ROBO1: variants seen among roughly 807,000 people sequenced by gnomAD.
ROBO1 encodes the protein roundabout guidance receptor 1.
A neutral mutation model predicts 195.9 loss-of-function variants in ROBO1; 149 were observed. The ratio of observed to expected loss-of-function variants is 0.76; its 90% CI spans 0.67 to 0.87. The LOEUF is 0.87. Among genes scored for constraint, ROBO1 ranks in the 40% least tolerant of loss-of-function variants. ROBO1 has a pLI of 0.00. For missense variants in ROBO1, 1,933 were observed against 2,068.3 expected, an observed-to-expected ratio of 0.93 and a Z score of 1.27; for synonymous variants, 816 against 733.2, an observed-to-expected ratio of 1.11 and a Z score of -1.82.
At chr3:79,228,140 C>G (rs2082259495) in intron 2 of ROBO1, among the ~76,000 whole-genome samples, 8 of 151,424 alleles carry the variant, frequency 5.3e-5, no homozygotes, top group Admixed American at 5.3e-4. Context: ...CCACTGTACT[C>G]TTAAAAAATG....
chr3:79,149,263 A>C lies in ROBO1; in HGVS notation c.89-23724T>G, dbSNP rs148733003. ...AAGCAAACTAGTTATCAGTTTCCTTAATTTTCCAATATCCCAAGGCTCAAA... is the reference window on the plus strand; with the variant it reads ...AAGCAAACTAGTTATCAGTTTCCTTCATTTTCCAATATCCCAAGGCTCAAA... On this transcript the variant is annotated intron_variant, in intron 2 of 30. Transcript: ENST00000464233. Among the ~76,000 whole-genome samples the C allele has an allele frequency of 5.2e-3, 789 of 152,044 alleles. 7 individuals are homozygous for C. The highest frequency in any genetic ancestry group is 0.018 in the African/African-American group (748 of 41,524).
chr3:79,521,448 G>A (rs937118361), intron 2 of ROBO1, among the ~76,000 whole-genome samples: 2 of 152,038 alleles, frequency 1.3e-5, no homozygotes, highest in East Asian at 1.9e-4. Flanking sequence ...TAGGAGTTTC[G>A]TGCGCCCCTT....
At chr3:79,734,080 T>C (rs906094138) in intron 1 of ROBO1, among the ~76,000 whole-genome samples, 2 of 152,068 alleles carry the variant, frequency 1.3e-5, no homozygotes, top group South Asian at 4.1e-4. Context: ...TCTGAGTAGC[T>C]GGGATTACAG....
At chr3:79,213,385 C>A (rs2081999795) in intron 2 of ROBO1, among the ~76,000 whole-genome samples, 1 of 152,056 alleles carries the variant, frequency 6.6e-6, no homozygotes, top group Non-Finnish European at 1.5e-5. Context: ...TTTATTTTTA[C>A]AATAAAATTG....
intron 2 of ROBO1, among the ~76,000 whole-genome samples, chr3:79,551,808 C>A (rs1038402493): frequency 6.6e-6 from 1 of 151,658 alleles, no homozygotes; most frequent in Admixed American, 6.6e-5. Flanking sequence ...AAAGGATGAT[C>A]TTACCAAGTC....
chr3:79,267,547 C>CTT (rs200965543), intron 2 of ROBO1, among the ~76,000 whole-genome samples: 7 of 140,620 alleles, frequency 5.0e-5, no homozygotes, highest in Non-Finnish European at 7.8e-5. Flanking sequence ...AAATCTATCT[C>CTT]TTTTTTTTTT....
intron 4 of ROBO1, among the ~76,000 whole-genome samples, chr3:78,853,739 T>C (rs1199327618): frequency 6.6e-6 from 1 of 152,064 alleles, no homozygotes; most frequent in Non-Finnish European, 1.5e-5. Flanking sequence ...CTGGGTAATT[T>C]ATAAAGAAAA....
rs1287905712 is a variant in ROBO1, at chr3:79,071,652, C to T, written c.172+53804G>A. ...AAATTCAATGATTTTATGATAATTC[C>T]TCAACTTGCTATTCATGCCTTATAT... On this transcript the variant is annotated intron_variant, in intron 3 of 30. Transcript: ENST00000464233. 2.6e-5 allele frequency among the ~76,000 whole-genome samples: 4 copies of T among 151,098 alleles called. No homozygotes were observed. The Admixed American group carries it at 2.7e-4, about 10-fold the overall frequency.
intron 11 of ROBO1, 52 bp downstream of exon 11, chr3:78,670,044 G>T: frequency 7.0e-7 from 1 of 1,427,462 alleles, no homozygotes; most frequent in South Asian, 1.3e-5. Flanking sequence ...GTTGTTGGAG[G>T]CAGAAACAAA....
At chr3:79,335,720 G>A (rs1205387708) in intron 2 of ROBO1, among the ~76,000 whole-genome samples, 1 of 152,150 alleles carries the variant, frequency 6.6e-6, no homozygotes, top group African/African-American at 2.4e-5. Context: ...CAGAGAGTGG[G>A]GTGCTGCTAT....
rs537634704 is a variant in ROBO1, at chr3:79,022,596, T to C, written c.173-83669A>G. Reference sequence around the variant, plus strand: ...CATGTGGACAGGGAATGTACTCACATCAGATCTTCAGGGAACTCTGACATG... The same window carrying C: ...CATGTGGACAGGGAATGTACTCACACCAGATCTTCAGGGAACTCTGACATG... On this transcript the variant is annotated intron_variant, in intron 3 of 30. Coordinates refer to ENST00000464233, the MANE Select transcript of ROBO1 (RefSeq NM_002941.4). Among the ~76,000 whole-genome samples the C allele has an allele frequency of 2.0e-5, 3 of 152,338 alleles. No individual in the cohort carries two copies. In the South Asian group the frequency reaches 6.2e-4, roughly 32 times the overall value.
chr3:78,999,199 C>T (rs893083171), intron 3 of ROBO1, among the ~76,000 whole-genome samples: 6 of 151,912 alleles, frequency 3.9e-5, no homozygotes, highest in Admixed American at 1.3e-4. Context: ...ACTATTCAAG[C>T]CCCAAATCCC....
At chr3:79,725,521 C>T (rs973188992) in intron 1 of ROBO1, among the ~76,000 whole-genome samples, 13 of 152,260 alleles carry the variant, frequency 8.5e-5, no homozygotes, top group African/African-American at 1.9e-4. Context: ...CCACCGCGCC[C>T]GGCCCTCTCT....
rs920629686 is a variant in ROBO1, at chr3:78,647,996, G to A, written c.2813-341C>T. 7.2e-5 allele frequency among the ~76,000 whole-genome samples: 11 copies of A among 152,000 alleles called. 1 individual carries two copies. The highest frequency in any genetic ancestry group is 1.5e-5 in the Non-Finnish European group (1 of 67,994). ...CACTATTAATCATCTCCAAACACAG[G>A]ATGATGGATTCTTAAATAAGTATTA... On this transcript the variant is annotated intron_variant, in intron 19 of 30. Coordinates refer to ENST00000464233, the MANE Select transcript of ROBO1 (RefSeq NM_002941.4).
At chr3:78,911,342 T>C (rs1559990626) in intron 4 of ROBO1, among the ~76,000 whole-genome samples, 1 of 152,064 alleles carries the variant, frequency 6.6e-6, no homozygotes, top group Non-Finnish European at 1.5e-5. Context: ...AAGTAATGTA[T>C]GGAGAATTCA....
intron 2 of ROBO1, among the ~76,000 whole-genome samples, chr3:79,250,081 T>A (rs889325970): frequency 6.6e-6 from 1 of 152,192 alleles, no homozygotes; most frequent in Admixed American, 6.6e-5. Flanking sequence ...TTCAGTGGTG[T>A]GGCAGTTAGA....
intron 2 of ROBO1, among the ~76,000 whole-genome samples, chr3:79,473,968 A>G (rs1356083834): frequency 1.3e-5 from 2 of 152,188 alleles, no homozygotes; most frequent in Non-Finnish European, 2.9e-5. Flanking sequence ...TAAAATGAGT[A>G]AAGCAAAGCT....
chr3:78,984,524 G>A (rs1456722299), intron 3 of ROBO1, among the ~76,000 whole-genome samples: 1 of 152,278 alleles, frequency 6.6e-6, no homozygotes, highest in East Asian at 1.9e-4. Flanking sequence ...AGCGAAAAAT[G>A]TTATAAAGGT....
intron 2 of ROBO1, among the ~76,000 whole-genome samples, chr3:79,286,004 G>A (rs750070561): frequency 6.6e-6 from 1 of 152,112 alleles, no homozygotes; most frequent in Non-Finnish European, 1.5e-5. Context: ...GTCTATTCTG[G>A]CAAATGAATT....
Sources: allele counts gnomAD v4.1 joint callset (sites outside exome capture counted in the v4.1 genomes callset), GRCh38; gene constraint gnomAD v4.1.1; transcripts MANE v1.5; gene names NCBI Gene and HGNC (gene_info 2026-07-23, HGNC 2026-07-21).